Variants in DSCAML1 observed in about 807,000 individuals in gnomAD.
The protein encoded by DSCAML1 is DS cell adhesion molecule like 1.
Under a neutral mutation model 200.5 loss-of-function variants are expected in DSCAML1, and 38 were observed. The ratio of observed to expected loss-of-function variants is 0.19; its 90% CI spans 0.15 to 0.25. The LOEUF is 0.25. DSCAML1 is among the 10% of genes least tolerant of loss of function. The pLI, the probability that DSCAML1 is intolerant of heterozygous loss-of-function variation, is 1.00. For synonymous variants in DSCAML1, 1,215 were observed against 1,165.0 expected (o/e 1.04, Z -0.87); for missense variants, 2,223 against 2,858.8 (o/e 0.78, Z 5.07).
chr11:117,512,680 ACACAC>A (rs1219083396), intron 8 of DSCAML1, among the ~76,000 whole-genome samples: 4 of 64,052 alleles, frequency 6.2e-5, no homozygotes, highest in Non-Finnish European at 1.5e-4. Context: ...ACACACACAC[ACACAC>A]ATGCCTGCTA....
chr11:117,498,661 A>G lies in DSCAML1; in HGVS notation c.2359+5184T>C, dbSNP rs1178594246. Among the ~76,000 whole-genome samples, 1 of 152,156 alleles carries G rather than the reference A, an allele frequency of 6.6e-6. No homozygotes were observed. Among genetic ancestry groups the G allele is most frequent in the Admixed American group, 6.5e-5 (1 of 15,286 alleles). On this transcript the variant is annotated intron_variant, in intron 11 of 32. Transcript: ENST00000651296. This position sits in a 1 kb window ranked among gnomAD's most constrained non-coding sequence, Gnocchi z 4.0. ...ATCCTGACCTCAGTCCCAGTGGCCA[A>G]TCATGGTGGGTGACCTGGTCCACGG...
At chr11:117,679,583 CT>C (rs2053277665) in intron 3 of DSCAML1, among the ~76,000 whole-genome samples, 1 of 152,198 alleles carries the variant, frequency 6.6e-6, no homozygotes. Context: ...CTGCTCCACC[CT>C]TTCTCAGGTG....
chr11:117,453,746 C>CT (rs138176049), intron 19 of DSCAML1, among the ~76,000 whole-genome samples: 18,933 of 138,034 alleles, frequency 0.14, 2,059 homozygotes, highest in East Asian at 0.44. Flanking sequence ...TTCTTTCTTT[C>CT]TTTTTTTTTT....
chr11:117,619,421 G>T (rs761616854), intron 3 of DSCAML1, among the ~76,000 whole-genome samples: 5 of 152,226 alleles, frequency 3.3e-5, no homozygotes, highest in African/African-American at 4.8e-5. Context: ...TCCCTGGAAA[G>T]GTGCTGGTGA....
At chr11:117,630,658 C>CCCAA (rs372432882) in intron 3 of DSCAML1, among the ~76,000 whole-genome samples, 1 of 45,560 alleles carries the variant, frequency 2.2e-5, no homozygotes, top group African/African-American at 7.7e-5. Flanking sequence ...ATAAAGTGGC[C>CCCAA]AAAAAAAAAA....
At chr11:117,777,327 G>A (rs2055144728) in intron 2 of DSCAML1, among the ~76,000 whole-genome samples, 1 of 152,180 alleles carries the variant, frequency 6.6e-6, no homozygotes, top group African/African-American at 2.4e-5. Context: ...CAGGTAATAA[G>A]GAAATATGCT....
chr11:117,550,841 ACT>A (rs1440993935), intron 3 of DSCAML1, among the ~76,000 whole-genome samples: 1 of 151,936 alleles, frequency 6.6e-6, no homozygotes, highest in Admixed American at 6.6e-5. Context: ...ACCTCTTCTG[ACT>A]CTGGCAATTT....
upstream of DSCAML1, chr11:117,801,687 C>T (rs139052560): frequency 4.6e-5 from 7 of 152,340 alleles, no homozygotes; most frequent in African/African-American, 1.4e-4. Context: ...CACTTACTCT[C>T]TCATCATTTT....
intron 5 of DSCAML1, among the ~76,000 whole-genome samples, chr11:117,524,364 G>A (rs929480477): frequency 2.0e-5 from 3 of 152,172 alleles, no homozygotes; most frequent in Admixed American, 1.3e-4. Context: ...CTAGGATTGG[G>A]ATGTATGTCC....
In DSCAML1 at chr11:117,514,572, C is replaced by CTTTTTTTT. The variant is rs532136039; in HGVS notation, c.1783+1887_1783+1894dup. The stretch of plus-strand genomic sequence containing the variant: ...TTTACTTAACTTTTCTTTTCTTTTT[C>CTTTTTTTT]TTTTTTTTTTTTTTTTTTTTTTTTT... On this transcript the variant is annotated intron_variant, in intron 8 of 32. Coordinates refer to ENST00000651296, the MANE Select transcript of DSCAML1 (RefSeq NM_020693.4). Among the ~76,000 whole-genome samples, 48 of 98,290 alleles carry CTTTTTTTT rather than the reference C, an allele frequency of 4.9e-4. 1 individual carries two copies. Among genetic ancestry groups the CTTTTTTTT allele is most frequent in the East Asian group, 1.2e-3 (3 of 2,520 alleles). 64.5% of individuals were successfully genotyped at this position (98,290 alleles called of 152,430 possible).
At chr11:117,555,604 T>G (rs952742898) in intron 3 of DSCAML1, among the ~76,000 whole-genome samples, 16 of 151,934 alleles carry the variant, frequency 1.1e-4, no homozygotes, top group African/African-American at 3.9e-4. Context: ...TATGCAAAGG[T>G]GTTAAGGCAG....
At chr11:117,812,483 C>T in intron 1 of DSCAML1, among the ~76,000 whole-genome samples, 1 of 151,362 alleles carries the variant, frequency 6.6e-6, no homozygotes, top group African/African-American at 2.4e-5. Flanking sequence ...TCCGCAATAC[C>T]TCCCTCCACA....
chr11:117,477,226 C>CACACACACACAT (rs397960257), intron 14 of DSCAML1, among the ~76,000 whole-genome samples: 1 of 146,900 alleles, frequency 6.8e-6, no homozygotes, highest in East Asian at 2.0e-4. Flanking sequence ...CACACACACA[C>CACACACACACAT]GTGCACACTC....
chr11:117,453,144 A>G (rs753776735), intron 19 of DSCAML1, among the ~76,000 whole-genome samples: 1 of 152,150 alleles, frequency 6.6e-6, no homozygotes, highest in Non-Finnish European at 1.5e-5. Flanking sequence ...CATGTTGGCC[A>G]GGCTGGTCTC....
chr11:117,672,977 G>A (rs1444848953), intron 3 of DSCAML1, among the ~76,000 whole-genome samples: 3 of 152,166 alleles, frequency 2.0e-5, no homozygotes, highest in South Asian at 2.1e-4. Flanking sequence ...ACTCCTCCAG[G>A]AAGCCTCCCC....
rs575910358 is a variant in DSCAML1, at chr11:117,794,918, G to A, written c.46+2116C>T. 7.9e-5 allele frequency among the ~76,000 whole-genome samples: 12 copies of A among 152,304 alleles called. No homozygotes were observed. The East Asian group carries it at 2.3e-3, about 29-fold the overall frequency. ...AATCGCAGGGGCACCGGGCTCTGCA[G>A]ACCCAAAGGCCACCGAGGAGCCGCC... is the stretch of plus-strand genomic sequence containing the variant. On this transcript the variant is annotated intron_variant, in intron 1 of 32. Transcript: ENST00000651296.
intron 3 of DSCAML1, among the ~76,000 whole-genome samples, chr11:117,637,429 T>G (rs2052313871): frequency 1.3e-5 from 2 of 149,184 alleles, no homozygotes; most frequent in African/African-American, 2.5e-5. Context: ...CACTGCAACC[T>G]CAGCCTCCTG....
chr11:117,431,729 C>A lies in DSCAML1; in HGVS notation c.5180-1G>T. On this transcript the variant is annotated splice_acceptor_variant, in intron 30 of 32. Coordinates refer to ENST00000651296, the MANE Select transcript of DSCAML1 (RefSeq NM_020693.4). LOFTEE classifies it high-confidence loss of function. ...TTCACATTCTTCCTGGACACTGGAT[C>A]TGCACAGACAGAAGCAAGAAATTGC... 6.4e-7 allele frequency: 1 copy of A among 1,554,768 alleles called. No individual in the cohort carries two copies. The highest frequency in any genetic ancestry group is 8.7e-7 in the Non-Finnish European group (1 of 1,145,356).
intron 3 of DSCAML1, among the ~76,000 whole-genome samples, chr11:117,544,845 A>G (rs567796156): frequency 6.6e-6 from 1 of 152,302 alleles, no homozygotes; most frequent in Non-Finnish European, 1.5e-5. Context: ...CTTAACTCCC[A>G]ATGCAACTGT....
Sources: gnomAD v4.1 joint callset for allele counts (sites outside exome capture counted in the v4.1 genomes callset) on GRCh38, gnomAD v4.1.1 for gene constraint, Gnocchi (gnomAD v3.1) non-coding constraint, MANE v1.5 for transcripts, NCBI Gene and HGNC (gene_info 2026-07-23, HGNC 2026-07-21) for gene names.